Variants in SLC35F3 observed in about 807,000 individuals in gnomAD.
SLC35F3 encodes the protein solute carrier family 35 member F3.
Under a neutral mutation model 49.9 loss-of-function variants are expected in SLC35F3, and 25 were observed. The observed-to-expected ratio is 0.50, with a 90% CI of 0.37 to 0.70. The LOEUF (loss-of-function observed/expected upper bound fraction) is 0.70, where lower values mean the gene tolerates loss of function less well. Ranked by LOEUF, SLC35F3 falls within the 30% of genes least tolerant of loss-of-function variation. The probability of loss-of-function intolerance (pLI) is 0.00; values close to 1 mark genes in which losing one functional copy is unlikely to be tolerated. For missense variants in SLC35F3, 525 were observed against 639.8 expected (o/e 0.82, Z 1.94); for synonymous variants, 275 against 265.4 (o/e 1.04, Z -0.35).
intron 2 of SLC35F3, among the ~76,000 whole-genome samples, chr1:234,003,660 A>G (rs762710032): frequency 1.3e-5 from 2 of 152,212 alleles, no homozygotes; most frequent in Non-Finnish European, 2.9e-5. Context: ...ATCCAACTAC[A>G]TTAGCATTTA....
chr1:234,281,086 C>CA (rs201468155), intron 3 of SLC35F3, among the ~76,000 whole-genome samples: 2 of 134,276 alleles, frequency 1.5e-5, no homozygotes, highest in African/African-American at 3.0e-5. Flanking sequence ...TTGTGTCCCC[C>CA]CCCCATGCTC....
intron 3 of SLC35F3, among the ~76,000 whole-genome samples, chr1:234,273,883 G>T (rs1668153066): frequency 6.6e-6 from 1 of 152,140 alleles, no homozygotes; most frequent in Non-Finnish European, 1.5e-5. Context: ...TGAAGCAAAA[G>T]GTAAGACTGA....
intron 3 of SLC35F3, among the ~76,000 whole-genome samples, chr1:234,275,537 A>C (rs750063254): frequency 2.6e-5 from 4 of 152,014 alleles, no homozygotes; most frequent in Non-Finnish European, 4.4e-5. Flanking sequence ...ACATCAGCTG[A>C]GATAGATAGG....
intron 2 of SLC35F3, among the ~76,000 whole-genome samples, chr1:233,913,597 A>G (rs1298113827): frequency 1.3e-5 from 2 of 152,210 alleles, no homozygotes; most frequent in African/African-American, 4.8e-5. Context: ...ATCTCGATCA[A>G]TAAACATTTG....
intron 3 of SLC35F3, among the ~76,000 whole-genome samples, chr1:234,288,075 T>G (rs1235733683): frequency 6.6e-6 from 1 of 151,940 alleles, no homozygotes; most frequent in Non-Finnish European, 1.5e-5. Context: ...TTGTGGAGAC[T>G]GGGGTCTCGC....
intron 2 of SLC35F3, among the ~76,000 whole-genome samples, chr1:234,002,333 G>A (rs968712008): frequency 6.6e-5 from 10 of 152,014 alleles, no homozygotes; most frequent in Non-Finnish European, 1.5e-4. Context: ...TCTGTTGTAG[G>A]ATCCCATCCA....
chr1:234,195,960 C>G (rs1666804057), intron 2 of SLC35F3, among the ~76,000 whole-genome samples: 1 of 152,036 alleles, frequency 6.6e-6, no homozygotes. Context: ...ACTCCCCAGC[C>G]ACGTGGAATT....
At chr1:234,319,992 CTA>C in intron 6 of SLC35F3, 104 bp from the exon 7 acceptor site, 1 of 750,398 alleles carries the variant, frequency 1.3e-6, no homozygotes, top group South Asian at 1.6e-5. Flanking sequence ...ATTGTAACTC[CTA>C]TGACTCCAGC....
chr1:233,921,141 T>G (rs1662051418), intron 2 of SLC35F3, among the ~76,000 whole-genome samples: 1 of 152,222 alleles, frequency 6.6e-6, no homozygotes, highest in Non-Finnish European at 1.5e-5. Flanking sequence ...CATATAGAAC[T>G]CCCTTAACCA....
chr1:234,041,688 G>T (rs576818991), intron 2 of SLC35F3, among the ~76,000 whole-genome samples: 1 of 152,256 alleles, frequency 6.6e-6, no homozygotes, highest in African/African-American at 2.4e-5. Context: ...GATTCTGTTT[G>T]CAAAGCAGGA....
At chr1:234,114,532 T>G (rs1665456243) in intron 2 of SLC35F3, among the ~76,000 whole-genome samples, 1 of 152,242 alleles carries the variant, frequency 6.6e-6, no homozygotes, top group Admixed American at 6.5e-5. Flanking sequence ...AAGGGATTTG[T>G]GAATCAAGAC....
chr1:234,087,399 G>A (rs549725071), intron 2 of SLC35F3, among the ~76,000 whole-genome samples: 1 of 152,274 alleles, frequency 6.6e-6, no homozygotes, highest in African/African-American at 2.4e-5. Context: ...ATTATCCGAA[G>A]GTCCACAATC....
At chr1:234,284,698 T>C (rs190445313) in intron 3 of SLC35F3, among the ~76,000 whole-genome samples, 6 of 152,242 alleles carry the variant, frequency 3.9e-5, no homozygotes, top group African/African-American at 1.4e-4. Context: ...GGCGAGAGAA[T>C]GCCTGGCCCT....
At chr1:233,992,398 G>A (rs1357243542) in intron 2 of SLC35F3, among the ~76,000 whole-genome samples, 3 of 152,186 alleles carry the variant, frequency 2.0e-5, no homozygotes, top group Non-Finnish European at 2.9e-5. Flanking sequence ...TTTTGGCAAG[G>A]CCTTTCTTGC....
chr1:234,187,155 A>G (rs1666654249), intron 2 of SLC35F3, among the ~76,000 whole-genome samples: 1 of 152,136 alleles, frequency 6.6e-6, no homozygotes, highest in Non-Finnish European at 1.5e-5. Context: ...CTCTTTAGGG[A>G]TACCAGCTGC....
intron 2 of SLC35F3, among the ~76,000 whole-genome samples, chr1:234,105,773 C>A (rs1160293249): frequency 6.6e-6 from 1 of 152,194 alleles, no homozygotes; most frequent in Admixed American, 6.5e-5. Flanking sequence ...CAGTTTCCCT[C>A]CCTGGAGGAG....
chr1:234,236,336 G>A, intron 3 of SLC35F3, among the ~76,000 whole-genome samples: 1 of 152,012 alleles, frequency 6.6e-6, no homozygotes, highest in East Asian at 1.9e-4. Flanking sequence ...GCTACTCAGG[G>A]GACTAGGCAG....
Position 234,081,396 on chromosome 1 carries a change from G to A in SLC35F3, c.284-150021G>A, listed in dbSNP as rs1480562917. Among the ~76,000 whole-genome samples, 4 of 152,224 alleles carry A rather than the reference G, an allele frequency of 2.6e-5. No homozygotes were observed. In the East Asian group the frequency reaches 7.7e-4, roughly 29 times the overall value. On this transcript the variant is annotated intron_variant, in intron 2 of 7. Coordinates refer to ENST00000366618, the MANE Select transcript of SLC35F3 (RefSeq NM_173508.4). ...CATCATTGCAAACATTGTTTTTGTTGGAAAATAAGCTCAGAGTTCTAATTT... is the reference window on the plus strand; with the variant it reads ...CATCATTGCAAACATTGTTTTTGTTAGAAAATAAGCTCAGAGTTCTAATTT...
intron 4 of SLC35F3, among the ~76,000 whole-genome samples, chr1:234,316,161 T>C (rs1657485529): frequency 6.6e-6 from 1 of 152,214 alleles, no homozygotes; most frequent in Admixed American, 6.5e-5. Flanking sequence ...CCTGTTGAGA[T>C]ATGAAATACA....
Sources: gnomAD v4.1 joint callset for allele counts (sites outside exome capture counted in the v4.1 genomes callset) on GRCh38, gnomAD v4.1.1 for gene constraint, MANE v1.5 for transcripts, NCBI Gene and HGNC (gene_info 2026-07-23, HGNC 2026-07-21) for gene names.